MTSS1: variants seen among roughly 807,000 people sequenced by gnomAD.
MTSS1 encodes the protein MTSS I-BAR domain containing 1.
In MTSS1, 18 loss-of-function variants were observed where a neutral mutation model predicts 79.0. The ratio of observed to expected loss-of-function variants is 0.23; its 90% CI spans 0.16 to 0.34. The LOEUF (loss-of-function observed/expected upper bound fraction) is 0.34, where lower values mean the gene tolerates loss of function less well. Among genes scored for constraint, MTSS1 ranks in the 10% least tolerant of loss-of-function variants. The pLI is 1.00. For missense variants in MTSS1, 815 were observed against 986.2 expected (o/e 0.83, Z 2.33); for synonymous variants, 341 against 368.6 (o/e 0.93, Z 0.86).
intron 1 of MTSS1, among the ~76,000 whole-genome samples, chr8:124,724,164 A>C (rs115908468): frequency 6.6e-6 from 1 of 152,140 alleles, no homozygotes; most frequent in Admixed American, 6.5e-5. Flanking sequence ...TCCTGAAATC[A>C]CTATCCAGTG....
At chr8:124,689,453 A>G (rs1587821919) in intron 3 of MTSS1, among the ~76,000 whole-genome samples, 1 of 152,228 alleles carries the variant, frequency 6.6e-6, no homozygotes, top group Non-Finnish European at 1.5e-5. Flanking sequence ...ATTAAAAAAA[A>G]AAAAATTCTT....
chr8:124,557,939 A>G, intron 10 of MTSS1, 64 bp from the exon 11 acceptor site: 3 of 1,313,672 alleles, frequency 2.3e-6, no homozygotes, highest in South Asian at 1.4e-5. Context: ...ATGAGTGCGG[A>G]GATACAAAAT....
At chr8:124,634,317 A>G (rs1368513719) in intron 3 of MTSS1, among the ~76,000 whole-genome samples, 2 of 148,180 alleles carry the variant, frequency 1.3e-5, no homozygotes, top group East Asian at 3.9e-4. Context: ...TTTTTTTTAT[A>G]GTTTTTTTTT....
rs1587072385 is a variant in MTSS1 at position 124,592,844 on chromosome 8, C to T, written c.209-1609G>A. On this transcript the variant is annotated intron_variant, in intron 3 of 13. Transcript: ENST00000518547. ...AGATGTTTAGCAGTATCCTTGGCCT[C>T]TACCCACCAGAAGTCAACAGCAGAC... Among the ~76,000 whole-genome samples the T allele has an allele frequency of 4.6e-5, 7 of 152,144 alleles. No individual in the cohort carries two copies. The South Asian group carries it at 1.4e-3, about 32-fold the overall frequency.
At chr8:124,616,964 C>T (rs543491850) in intron 3 of MTSS1, among the ~76,000 whole-genome samples, 12 of 152,292 alleles carry the variant, frequency 7.9e-5, no homozygotes, top group African/African-American at 2.9e-4. Flanking sequence ...ACTAGCAATT[C>T]ACCTGAACTT....
chr8:124,568,505 A>G lies in MTSS1; in HGVS notation c.492T>C (p.Ser164=), dbSNP rs1450215693. 3.7e-6 allele frequency: 6 copies of G among 1,614,038 alleles called. No homozygotes were observed. Among genetic ancestry groups the G allele is most frequent in the Non-Finnish European group, 5.1e-6 (6 of 1,180,028 alleles). ...GRGDIQPQLD[S]ALQDVNDKYL... ...ACTTATCATTGACATCTTGGAGAGC[A>G]CTGTCCAACTGAGGCTGGATATCAC... Residue 164 remains serine (S), a synonymous_variant, in exon 7 of 14, where the codon AGT becomes AGC. Transcript: ENST00000518547.
chr8:124,624,613 T>C (rs539529149), intron 3 of MTSS1, among the ~76,000 whole-genome samples: 1 of 151,772 alleles, frequency 6.6e-6, no homozygotes, highest in South Asian at 2.1e-4. Context: ...CAACAAATAA[T>C]AGGGAAATCA....
chr8:124,588,732 G>A (rs900506021), intron 5 of MTSS1, among the ~76,000 whole-genome samples: 1 of 152,142 alleles, frequency 6.6e-6, no homozygotes, highest in Non-Finnish European at 1.5e-5. Context: ...AGGGTTAGGG[G>A]GAGGCAGTGT....
intron 3 of MTSS1, among the ~76,000 whole-genome samples, chr8:124,695,914 T>A (rs1191752312): frequency 6.6e-6 from 1 of 151,066 alleles, no homozygotes; most frequent in African/African-American, 2.4e-5. Context: ...TGCAAAAACA[T>A]CTGTAAATGA....
At chr8:124,696,534 T>G (rs1828851203) in intron 3 of MTSS1, among the ~76,000 whole-genome samples, 1 of 152,266 alleles carries the variant, frequency 6.6e-6, no homozygotes, top group South Asian at 2.1e-4. Flanking sequence ...TCACTAAAAA[T>G]GATCTGAAAT....
chr8:124,709,978 GC>G (rs1168130936), intron 1 of MTSS1, among the ~76,000 whole-genome samples: 1 of 152,226 alleles, frequency 6.6e-6, no homozygotes, highest in Admixed American at 6.5e-5. Flanking sequence ...CTGTCTATAA[GC>G]CTGAGGGCTT....
chr8:124,558,435 C>T (rs1824505084), intron 10 of MTSS1, among the ~76,000 whole-genome samples: 1 of 152,120 alleles, frequency 6.6e-6, no homozygotes, highest in Non-Finnish European at 1.5e-5. Context: ...GGAGGATGGA[C>T]AGGCACGCAA....
chr8:124,570,643 C>G (rs1827559345), intron 6 of MTSS1, among the ~76,000 whole-genome samples: 1 of 152,090 alleles, frequency 6.6e-6, no homozygotes, highest in Admixed American at 6.5e-5. Context: ...TGGAACATAT[C>G]CCCTGAGGAG....
chr8:124,707,681 C>T lies in MTSS1; in HGVS notation c.73-3490G>A, dbSNP rs551276006. On this transcript the variant is annotated intron_variant, in intron 1 of 13. Coordinates refer to ENST00000518547, the MANE Select transcript of MTSS1 (RefSeq NM_014751.6). ...CGAGATCGCACCACTGCACTCCAGC[C>T]TAGGCGAAAGAGCGAGACTCCATCT... Among the ~76,000 whole-genome samples the T allele has an allele frequency of 4.6e-5, 7 of 151,982 alleles. No individual in the cohort carries two copies. The East Asian group carries it at 1.4e-3, about 30-fold the overall frequency.
chr8:124,671,299 C>G (rs796076528), intron 3 of MTSS1, among the ~76,000 whole-genome samples: 64 of 152,190 alleles, frequency 4.2e-4, no homozygotes, highest in African/African-American at 1.4e-3. Flanking sequence ...CTTCTACCCC[C>G]GTTCTCCACT....
At chr8:124,564,163 C>G (rs911219543) in intron 9 of MTSS1, among the ~76,000 whole-genome samples, 1 of 147,290 alleles carries the variant, frequency 6.8e-6, no homozygotes, top group African/African-American at 2.5e-5. Flanking sequence ...GCTCCACACT[C>G]TGTATAGTAA....
At chr8:124,654,844 T>A (rs938971668) in intron 3 of MTSS1, among the ~76,000 whole-genome samples, 1 of 152,230 alleles carries the variant, frequency 6.6e-6, no homozygotes, top group Non-Finnish European at 1.5e-5. Context: ...ATCTTCTGTC[T>A]ACTTTAGCAA....
rs1822674204 is a variant in MTSS1, at chr8:124,552,468, T to G, written c.*524A>C. 6.4e-6 allele frequency: 1 copy of G among 157,388 alleles called. No individual in the cohort carries two copies. The highest frequency in any genetic ancestry group is 2.4e-5 in the African/African-American group (1 of 41,458). The allele number at this position is 157,388 out of a possible 1,614,324, so 9.7% of individuals were successfully genotyped here. On this transcript the variant is annotated 3_prime_UTR_variant, in exon 14 of 14. Transcript: ENST00000518547. ...AATATTGCTCATCAATTGTTACTCC[T>G]GCTCTTTTCATCCAGAACATAGTAT...
intron 3 of MTSS1, among the ~76,000 whole-genome samples, chr8:124,657,938 G>A (rs796408882): frequency 1.8e-4 from 28 of 152,304 alleles, no homozygotes; most frequent in African/African-American, 6.7e-4. Context: ...GCCTTTGGGA[G>A]GTAATTAGGT....
Sources: allele counts gnomAD v4.1 joint callset (sites outside exome capture counted in the v4.1 genomes callset), GRCh38; gene constraint gnomAD v4.1.1; transcripts MANE v1.5; gene names NCBI Gene and HGNC (gene_info 2026-07-23, HGNC 2026-07-21).